The following MAP2K5 variants were observed in gnomAD, a reference collection of about 807,000 sequenced individuals.
MAP2K5 encodes dual specificity mitogen-activated protein kinase kinase 5.
A neutral mutation model predicts 83.1 loss-of-function variants in MAP2K5; 49 were observed. The ratio of observed to expected loss-of-function variants is 0.59; its 90% CI spans 0.47 to 0.75. The LOEUF (loss-of-function observed/expected upper bound fraction) is 0.75. Among genes scored for constraint, MAP2K5 ranks in the 30% least tolerant of loss-of-function variants. The pLI is 0.00. For missense variants in MAP2K5, 457 were observed against 557.5 expected (o/e 0.82, Z 1.82); for synonymous variants, 202 against 191.8 (o/e 1.05, Z -0.44).
chr15:67,630,635 A>G (rs1035530973), intron 8 of MAP2K5, among the ~76,000 whole-genome samples: 6 of 152,226 alleles, frequency 3.9e-5, no homozygotes. Context: ...TGTGCTTCAG[A>G]ATTCTCATCT....
rs1429329742 is a variant in MAP2K5, at chr15:67,698,311, C to T, written c.972+4743C>T. On this transcript the variant is annotated intron_variant, in intron 15 of 21. Coordinates refer to ENST00000178640, the MANE Select transcript of MAP2K5 (RefSeq NM_145160.3). This position sits in a 1 kb window ranked among gnomAD's most constrained non-coding sequence, Gnocchi z 4.5. ...CAAGCGATTCTCCTGCCTCAGCCTC[C>T]AGAGTAGCTGGGATTACAGGCGTGC... Among the ~76,000 whole-genome samples the T allele has an allele frequency of 6.6e-6, 1 of 152,042 alleles. No individual in the cohort carries two copies. The highest frequency in any genetic ancestry group is 1.5e-5 in the Non-Finnish European group (1 of 68,014).
chr15:67,554,876 T>C (rs1344436315), intron 2 of MAP2K5, among the ~76,000 whole-genome samples: 1 of 152,212 alleles, frequency 6.6e-6, no homozygotes, highest in Non-Finnish European at 1.5e-5. Context: ...GTAATTTGCG[T>C]TTTTGGATTA....
intron 8 of MAP2K5, among the ~76,000 whole-genome samples, chr15:67,621,100 G>T (rs367688027): frequency 1.3e-5 from 2 of 152,174 alleles, no homozygotes; most frequent in South Asian, 4.1e-4. Flanking sequence ...AAGGAAAAGG[G>T]TAGGGGAAGA....
chr15:67,572,404 C>G lies in MAP2K5; in HGVS notation c.253-8350C>G, dbSNP rs2084966646. 6.6e-6 allele frequency among the ~76,000 whole-genome samples: 1 copy of G among 152,000 alleles called. No homozygotes were observed. Among genetic ancestry groups the G allele is most frequent in the African/African-American group, 2.4e-5 (1 of 41,352 alleles). On this transcript the variant is annotated intron_variant, in intron 3 of 21. Coordinates refer to ENST00000178640, the MANE Select transcript of MAP2K5 (RefSeq NM_145160.3). This position sits in a 1 kb window ranked among gnomAD's most constrained non-coding sequence, Gnocchi z 4.2. Reference sequence around the variant, plus strand: ...TTCATACTGTTATCGGAAAGGGGTCCCAATCCAGACCCTAAGAGAGAGTTC... The same window carrying G: ...TTCATACTGTTATCGGAAAGGGGTCGCAATCCAGACCCTAAGAGAGAGTTC...
Position 67,690,506 on chromosome 15 carries a change from A to G in MAP2K5, c.848-1973A>G, listed in dbSNP as rs1396824533. Among the ~76,000 whole-genome samples the G allele has an allele frequency of 1.3e-5, 2 of 150,360 alleles. No homozygotes were observed. The highest frequency in any genetic ancestry group is 2.9e-5 in the Non-Finnish European group (2 of 67,830). On this transcript the variant is annotated intron_variant, in intron 13 of 21. Coordinates refer to ENST00000178640, the MANE Select transcript of MAP2K5 (RefSeq NM_145160.3). This position sits in a 1 kb window ranked among gnomAD's most constrained non-coding sequence, Gnocchi z 4.3. ...AAAACTAGACGCCAAGAGACCAGGG[A>G]CTTGCTGGTAAAGGGGACATTTGTC...
Position 67,748,306 on chromosome 15 carries a change from G to C in MAP2K5, c.1101+49G>C. 1 of 1,477,778 alleles carries C rather than the reference G, an allele frequency of 6.8e-7. No individual in the cohort carries two copies. 91.5% of individuals were successfully genotyped at this position (1,477,778 alleles called of 1,614,324 possible). A position where few individuals can be genotyped will look rare whatever the true frequency, so the allele number is the denominator to read the frequency against. ...AAATTCACTTTTCTTTTTCCTGATGGCTGCTTCCTTTGCATGCTTGAATGC... is the reference window on the plus strand; with the variant it reads ...AAATTCACTTTTCTTTTTCCTGATGCCTGCTTCCTTTGCATGCTTGAATGC... On this transcript the variant is annotated intron_variant, in intron 18 of 21. Transcript: ENST00000178640. The surrounding 1 kb of genome is among the most constrained non-coding windows in gnomAD (Gnocchi z 4.0).
chr15:67,605,190 G>C (rs190225337), intron 8 of MAP2K5, among the ~76,000 whole-genome samples: 1 of 151,836 alleles, frequency 6.6e-6, no homozygotes, highest in African/African-American at 2.4e-5. Context: ...GAGTAGCTGG[G>C]ATTACAGGCA....
intron 6 of MAP2K5, among the ~76,000 whole-genome samples, chr15:67,588,337 T>C (rs1426227157): frequency 1.3e-5 from 2 of 152,350 alleles, no homozygotes; most frequent in African/African-American, 4.8e-5. Context: ...TCAGTCTGGC[T>C]AACCTTGGTT....
rs867517538 is a variant in MAP2K5, at chr15:67,722,060, G to T, written c.1045-5856G>T. Among the ~76,000 whole-genome samples, 5 of 152,184 alleles carry T rather than the reference G, an allele frequency of 3.3e-5. No individual in the cohort carries two copies. The highest frequency in any genetic ancestry group is 3.4e-3 in the Middle Eastern group (1 of 294). ...TGTAGTGAGTACTGATAATGTGGAGGGTCCCAAAGGTTATTAGGGCATGTT... is the reference window on the plus strand; with the variant it reads ...TGTAGTGAGTACTGATAATGTGGAGTGTCCCAAAGGTTATTAGGGCATGTT... On this transcript the variant is annotated intron_variant, in intron 16 of 21. Transcript: ENST00000178640. The surrounding 1 kb of genome is among the most constrained non-coding windows in gnomAD (Gnocchi z 4.2).
At chr15:67,696,262 A>G (rs2141207136) in intron 15 of MAP2K5, among the ~76,000 whole-genome samples, 2 of 152,220 alleles carry the variant, frequency 1.3e-5, no homozygotes, top group Middle Eastern at 3.4e-3. Flanking sequence ...TACTGGAACA[A>G]TGTACTGATC....
chr15:67,616,061 T>C (rs1267138769), intron 8 of MAP2K5, among the ~76,000 whole-genome samples: 1 of 152,226 alleles, frequency 6.6e-6, no homozygotes, highest in Non-Finnish European at 1.5e-5. Flanking sequence ...GTTTTAGTTT[T>C]CCTTTGTGCC....
intron 8 of MAP2K5, among the ~76,000 whole-genome samples, chr15:67,619,531 A>G (rs1167855133): frequency 3.3e-5 from 5 of 152,254 alleles, no homozygotes; most frequent in African/African-American, 1.2e-4. Context: ...GCATATAGTA[A>G]TGAACAAAAT....
intron 20 of MAP2K5, among the ~76,000 whole-genome samples, chr15:67,771,849 C>T (rs1013231729): frequency 6.6e-6 from 1 of 152,076 alleles, no homozygotes; most frequent in Non-Finnish European, 1.5e-5. Flanking sequence ...AAAAAGCATC[C>T]GTGTGATTTT....
At chr15:67,599,559 A>C (rs780901593) in intron 7 of MAP2K5, among the ~76,000 whole-genome samples, 8 of 152,248 alleles carry the variant, frequency 5.3e-5, no homozygotes, top group Non-Finnish European at 1.0e-4. Flanking sequence ...AGTTTAGAGT[A>C]GAGCAAAATA....
intron 16 of MAP2K5, among the ~76,000 whole-genome samples, chr15:67,714,190 G>C (rs949756301): frequency 1.3e-5 from 2 of 151,886 alleles, no homozygotes; most frequent in South Asian, 2.1e-4. Flanking sequence ...TTTTTTGAAA[G>C]GAAGATTAGA....
chr15:67,710,033 C>T (rs2088652644), intron 16 of MAP2K5, among the ~76,000 whole-genome samples: 1 of 152,116 alleles, frequency 6.6e-6, no homozygotes, highest in Admixed American at 6.5e-5. Flanking sequence ...AGCCTGCCCC[C>T]CACCCTTTTT....
At position 67,626,198 on chromosome 15, in the gene MAP2K5, C is replaced by T. The variant is rs1047623320; in HGVS notation, c.546-4690C>T. Among the ~76,000 whole-genome samples the T allele has an allele frequency of 2.6e-5, 4 of 152,074 alleles. No homozygotes were observed. The South Asian group carries it at 6.2e-4, about 24-fold the overall frequency. Reference sequence around the variant, plus strand: ...TTACGTATTATGTTACTTGGATTTACGTGGAATAAACTTACTAATTTCCTT... The same window carrying T: ...TTACGTATTATGTTACTTGGATTTATGTGGAATAAACTTACTAATTTCCTT... On this transcript the variant is annotated intron_variant, in intron 8 of 21. Coordinates refer to ENST00000178640, the MANE Select transcript of MAP2K5 (RefSeq NM_145160.3).
chr15:67,755,703 C>T lies in MAP2K5; in HGVS notation c.1134+7102C>T, dbSNP rs1335116185. On this transcript the variant is annotated intron_variant, in intron 19 of 21. Coordinates refer to ENST00000178640, the MANE Select transcript of MAP2K5 (RefSeq NM_145160.3). The surrounding 1 kb of genome is among the most constrained non-coding windows in gnomAD (Gnocchi z 4.7). ...TATGCCAGCCAGACAGATAAGTAAACAGTAGAGGCTGTCTTATGTCTTCAT... is the reference window on the plus strand; with the variant it reads ...TATGCCAGCCAGACAGATAAGTAAATAGTAGAGGCTGTCTTATGTCTTCAT... 6.6e-6 allele frequency among the ~76,000 whole-genome samples: 1 copy of T among 152,150 alleles called. No individual in the cohort carries two copies. Among genetic ancestry groups the T allele is most frequent in the East Asian group, 1.9e-4 (1 of 5,194 alleles).
chr15:67,574,799 G>A lies in MAP2K5; in HGVS notation c.253-5955G>A, dbSNP rs141477506. On this transcript the variant is annotated intron_variant, in intron 3 of 21. Transcript: ENST00000178640. ...GGAGAATCATTTGAACCTGGGAGGC[G>A]GATGTTGCACTGAGCCGAGATCGTA... is the stretch of plus-strand genomic sequence containing the variant. Among the ~76,000 whole-genome samples, 1,273 of 151,980 alleles carry A rather than the reference G, an allele frequency of 8.4e-3. 38 individuals are homozygous for A. Among genetic ancestry groups the A allele is most frequent in the Admixed American group, 0.061 (936 of 15,262 alleles).
Sources: gnomAD v4.1 joint callset for allele counts (sites outside exome capture counted in the v4.1 genomes callset) on GRCh38, gnomAD v4.1.1 for gene constraint, Gnocchi (gnomAD v3.1) non-coding constraint, MANE v1.5 for transcripts, NCBI Gene and HGNC (gene_info 2026-07-23, HGNC 2026-07-21) for gene names.